The following RRBP1 variants were observed in gnomAD, a reference collection of about 807,000 sequenced individuals.
RRBP1 encodes ribosome binding protein 1, also known as ribosome-binding protein 1.
Under a neutral mutation model 165.2 loss-of-function variants are expected in RRBP1, and 94 were observed. The observed-to-expected ratio is 0.57, with a 90% CI of 0.48 to 0.68. The LOEUF (loss-of-function observed/expected upper bound fraction) is 0.68. Among genes scored for constraint, RRBP1 ranks in the 30% least tolerant of loss-of-function variants. RRBP1 has a pLI of 0.00. For synonymous variants in RRBP1, 680 were observed against 714.5 expected (o/e 0.95, Z 0.77); for missense variants, 1,676 against 1,763.0 (o/e 0.95, Z 0.88).
rs1170561423 is a variant in RRBP1 at position 17,624,676 on chromosome 20, G to C, written c.3055-8C>G. 7 of 1,563,128 alleles carry C rather than the reference G, an allele frequency of 4.5e-6. No homozygotes were observed. Among genetic ancestry groups the C allele is most frequent in the Middle Eastern group, 1.7e-4 (1 of 5,884 alleles). ...GTTCTTCTCCCGGAGGTCCTGGAGGGGACACAGGTGAAAGGTCAGCAGCCT... is the reference window on the plus strand; with the variant it reads ...GTTCTTCTCCCGGAGGTCCTGGAGGCGACACAGGTGAAAGGTCAGCAGCCT... On this transcript the variant is annotated splice_region_variant and splice_polypyrimidine_tract_variant and intron_variant, in intron 12 of 24. Coordinates refer to ENST00000377813, the MANE Select transcript of RRBP1 (RefSeq NM_001365613.2).
In RRBP1 at chr20:17,624,609, G is replaced by A. The variant is rs1203689671; in HGVS notation, c.3114C>T (p.Cys1038=). The change falls in exon 13 of 25, where the codon TGC becomes TGT. Residue 1038 remains cysteine (C), a synonymous_variant. Transcript: ENST00000377813. Reference sequence around the variant, plus strand: ...GGGTCAGGGAGAGCAGCTTCTCCTTGCAGGCCTGCTCGGCCGTGGCCAGTG... The same window carrying A: ...GGGTCAGGGAGAGCAGCTTCTCCTTACAGGCCTGCTCGGCCGTGGCCAGTG... The part of the protein sequence containing the change: ...MEALATAEQA[C]KEKLLSLTQA... 5.6e-6 allele frequency: 9 copies of A among 1,593,464 alleles called. No homozygotes were observed. The Admixed American group carries it at 1.4e-4, about 25-fold the overall frequency.
At chr20:17,661,191 C>T (rs377110122) in intron 2 of RRBP1, among the ~76,000 whole-genome samples, 1 of 152,320 alleles carries the variant, frequency 6.6e-6, no homozygotes, top group African/African-American at 2.4e-5. Flanking sequence ...TTCCCCAGTG[C>T]CAATAAATGC....
chr20:17,644,644 T>C (rs1229427539), intron 3 of RRBP1, among the ~76,000 whole-genome samples: 1 of 152,170 alleles, frequency 6.6e-6, no homozygotes, highest in Non-Finnish European at 1.5e-5. Context: ...GCAAGGACAT[T>C]TCCCCCTCCT....
Position 17,640,132 on chromosome 20 carries a change from G to T in RRBP1, c.2184+1665C>A, listed in dbSNP as rs572673590. Among the ~76,000 whole-genome samples, 3 of 152,340 alleles carry T rather than the reference G, an allele frequency of 2.0e-5. No homozygotes were observed. The South Asian group carries it at 6.2e-4, about 32-fold the overall frequency. The stretch of plus-strand genomic sequence containing the variant: ...CTGGCGGCCTGCTAGGCTGAGCCTG[G>T]TGAGACCACCAGAGTGGGTCTGCGC... On this transcript the variant is annotated intron_variant, in intron 5 of 24. Transcript: ENST00000377813.
chr20:17,620,543 G>A (rs972303594), intron 17 of RRBP1, 172 bp downstream of exon 17: 2 of 811,734 alleles, frequency 2.5e-6, no homozygotes, highest in Non-Finnish European at 4.2e-6. Context: ...CCTAGGCGGG[G>A]GCCTCCTGGA....
chr20:17,658,390 G>A (rs949830337), intron 3 of RRBP1, among the ~76,000 whole-genome samples: 6 of 152,142 alleles, frequency 3.9e-5, no homozygotes, highest in South Asian at 2.1e-4. Flanking sequence ...GCCACCAACC[G>A]AGAAAGCTCA....
intron 5 of RRBP1, among the ~76,000 whole-genome samples, chr20:17,640,156 G>A (rs2036325450): frequency 6.6e-6 from 1 of 152,170 alleles, no homozygotes; most frequent in South Asian, 2.1e-4. Context: ...GTGGGTCTGC[G>A]CCACCAGGCT....
chr20:17,641,782 C>T lies in RRBP1; in HGVS notation c.2184+15G>A, dbSNP rs761171047. 51 of 1,611,118 alleles carry T rather than the reference C, an allele frequency of 3.2e-5. No homozygotes were observed. Among genetic ancestry groups the T allele is most frequent in the Admixed American group, 8.3e-5 (5 of 59,980 alleles). On this transcript the variant is annotated intron_variant, in intron 5 of 24. Transcript: ENST00000377813. ...GGGAGAGGACAAACCATCTCCGAGC[C>T]CACTCAGGCTGTACCTTGTTGAGCT...
chr20:17,635,156 G>A lies in RRBP1; in HGVS notation c.2456+390C>T, dbSNP rs562114798. Among the ~76,000 whole-genome samples, 11 of 152,308 alleles carry A rather than the reference G, an allele frequency of 7.2e-5. No individual in the cohort carries two copies. In the South Asian group the frequency reaches 1.5e-3, roughly 20 times the overall value. ...CAGAAGTGCGGCTGTACTCAACTCCGGAGGGGAAGTGCACCCTCCGGCCCA... is the reference window on the plus strand; with the variant it reads ...CAGAAGTGCGGCTGTACTCAACTCCAGAGGGGAAGTGCACCCTCCGGCCCA... On this transcript the variant is annotated intron_variant, in intron 7 of 24. Transcript: ENST00000377813.
chr20:17,619,409 C>T (rs1405843826), intron 19 of RRBP1: 2 of 453,064 alleles, frequency 4.4e-6, no homozygotes, highest in Non-Finnish European at 7.8e-6. Context: ...CCTGGCTCTG[C>T]CCCTGTCCTG....
intron 2 of RRBP1, among the ~76,000 whole-genome samples, chr20:17,664,128 GCAT>G (rs1417598799): frequency 1.3e-5 from 2 of 152,118 alleles, no homozygotes; most frequent in Non-Finnish European, 2.9e-5. Context: ...CCATATGCTA[GCAT>G]CACCACTCTT....
chr20:17,665,135 G>A (rs1011963092), intron 2 of RRBP1, among the ~76,000 whole-genome samples: 2 of 151,940 alleles, frequency 1.3e-5, no homozygotes, highest in Admixed American at 1.3e-4. Flanking sequence ...ACACACATGT[G>A]TATATGTATA....
chr20:17,664,296 C>A (rs1238653159), intron 2 of RRBP1, among the ~76,000 whole-genome samples: 1 of 152,206 alleles, frequency 6.6e-6, no homozygotes, highest in African/African-American at 2.4e-5. Flanking sequence ...TCGTTCACAT[C>A]CCAGGCAAGA....
Position 17,614,148 on chromosome 20 carries a change from G to A in RRBP1, c.*34C>T, listed in dbSNP as rs754929845. ...AGGAATGTGTAAGGCATTTTGGTAA[G>A]TTGAACAGTAACTTCTTTTTCCAAA... On this transcript the variant is annotated 3_prime_UTR_variant, in exon 25 of 25. Coordinates refer to ENST00000377813, the MANE Select transcript of RRBP1 (RefSeq NM_001365613.2). 9.3e-6 allele frequency: 15 copies of A among 1,610,222 alleles called. No homozygotes were observed. The Admixed American group carries it at 1.2e-4, about 13-fold the overall frequency.
At chr20:17,640,321 C>G (rs531793144) in intron 5 of RRBP1, among the ~76,000 whole-genome samples, 14 of 152,308 alleles carry the variant, frequency 9.2e-5, no homozygotes, top group African/African-American at 3.1e-4. Context: ...GACATCCAAG[C>G]ACGGAAGGGC....
intron 13 of RRBP1, 29 bp downstream of exon 13, chr20:17,624,547 T>C (rs1600730421): frequency 2.1e-6 from 3 of 1,459,276 alleles, no homozygotes; most frequent in Non-Finnish European, 2.8e-6. Context: ...CTTTCCATGG[T>C]GGGGGTGTGA....
At chr20:17,667,468 T>C (rs1232331593) in intron 2 of RRBP1, among the ~76,000 whole-genome samples, 1 of 152,214 alleles carries the variant, frequency 6.6e-6, no homozygotes, top group Non-Finnish European at 1.5e-5. Flanking sequence ...CTTTCTCTTT[T>C]CTTGCAGCAA....
intron 11 of RRBP1, 95 bp from the exon 12 acceptor site, chr20:17,625,697 A>T: frequency 9.7e-7 from 1 of 1,029,272 alleles, no homozygotes; most frequent in Non-Finnish European, 1.5e-6. Flanking sequence ...AGTACCTTCG[A>T]GGCTGAACCA....
chr20:17,664,542 T>A (rs1024470065), intron 2 of RRBP1, among the ~76,000 whole-genome samples: 3 of 152,234 alleles, frequency 2.0e-5, no homozygotes, highest in African/African-American at 7.2e-5. Context: ...CTGAACTCAC[T>A]GGCCCACCTC....
Sources: allele counts gnomAD v4.1 joint callset (sites outside exome capture counted in the v4.1 genomes callset), GRCh38; gene constraint gnomAD v4.1.1; transcripts MANE v1.5; gene names NCBI Gene and HGNC (gene_info 2026-07-23, HGNC 2026-07-21).